The following GSDMD variants were observed in gnomAD, a reference collection of about 807,000 sequenced individuals.
GSDMD encodes the protein gasdermin D.
A neutral mutation model predicts 46.7 loss-of-function variants in GSDMD; 46 were observed. The ratio of observed to expected loss-of-function variants is 0.99; its 90% confidence interval spans 0.78 to 1.26. The LOEUF is 1.26. GSDMD is among the 50% of genes most tolerant of loss of function. The pLI is 0.00. For synonymous variants in GSDMD, 307 were observed against 283.1 expected, an observed-to-expected ratio of 1.08 and a Z score of -0.85; for missense variants, 649 against 638.8, an observed-to-expected ratio of 1.02 and a Z score of -0.17.
Position 143,562,097 on chromosome 8 carries a change from G to A in GSDMD, c.962G>A (p.Arg321Gln), listed in dbSNP as rs753713126. 93 of 1,596,652 alleles carry A rather than the reference G, an allele frequency of 5.8e-5. No homozygotes were observed. The Admixed American group carries it at 1.1e-3, about 18-fold the overall frequency. ...CTGGAGGGCCTGGAGGGGGTGCTGC[G>A]GGACCAGCTGGCCCTGCGAGCCTTG... The part of the protein sequence containing the change: ...LLLEGLEGVL[R>Q]DQLALRALEE... The change falls in exon 8 of 11, where the codon CGG becomes CAG. Residue 321 changes from arginine (R) to glutamine (Q), a missense_variant. Arg to Gln is a conservative substitution (Grantham distance 43). Coordinates refer to ENST00000262580, the MANE Select transcript of GSDMD (RefSeq NM_024736.7).
chr8:143,559,554 T>C lies in GSDMD; in HGVS notation c.217+2T>C, dbSNP rs747686537. 21 of 1,611,290 alleles carry C rather than the reference T, an allele frequency of 1.3e-5. No homozygotes were observed. The South Asian group carries it at 2.2e-4, about 17-fold the overall frequency. ...TGGAGCCGGATGCCGCGGAACCAGG[T>C]GCCTGATGTGGTGCTGAGGCAGAGC... On this transcript the variant is annotated splice_donor_variant, in intron 2 of 10. Coordinates refer to ENST00000262580, the MANE Select transcript of GSDMD (RefSeq NM_024736.7). LOFTEE classifies it high-confidence loss of function.
At position 143,559,886 on chromosome 8, in the gene GSDMD, G is replaced by A. The variant is rs11551201; in HGVS notation, c.327G>A (p.Ala109=). The change falls in exon 3 of 11, where the codon GCG becomes GCA. Residue 109 remains alanine (A), a synonymous_variant. Coordinates refer to ENST00000262580, the MANE Select transcript of GSDMD (RefSeq NM_024736.7). ...PGQAKIAGGA[A]VSDSSSTSMN... is the part of the protein sequence containing the mutation. ...AGGCAAAGATCGCAGGCGGGGCCGC[G>A]GTGTCTGACAGCTCCAGCACCTCAA... The A allele has an allele frequency of 2.7e-5, 43 of 1,612,632 alleles. No individual in the cohort carries two copies. Among genetic ancestry groups the A allele is most frequent in the Middle Eastern group, 1.6e-4 (1 of 6,080 alleles).
upstream of GSDMD, among the ~76,000 whole-genome samples, chr8:143,557,152 G>A (rs748291197): frequency 2.1e-4 from 32 of 152,260 alleles, no homozygotes; most frequent in African/African-American, 5.1e-4. Context: ...TGTGTCGCCC[G>A]TCTGTGTCGC....
At chr8:143,561,527 C>G in intron 6 of GSDMD, 104 bp downstream of exon 6, 1 of 1,234,534 alleles carries the variant, frequency 8.1e-7, no homozygotes, top group Non-Finnish European at 1.1e-6. Flanking sequence ...GGAGGCCGGG[C>G]AGCCCCCTGA....
intron 3 of GSDMD, 193 bp downstream of exon 3, chr8:143,560,162 C>A: frequency 1.4e-6 from 1 of 712,006 alleles, no homozygotes; most frequent in Non-Finnish European, 2.5e-6. Flanking sequence ...GGGTGAGCCA[C>A]TGTGCCAGGT....
upstream of GSDMD, among the ~76,000 whole-genome samples, chr8:143,554,253 G>A (rs1179745309): frequency 1.3e-5 from 2 of 152,254 alleles, no homozygotes; most frequent in South Asian, 2.1e-4. Flanking sequence ...GAACACAGAG[G>A]CCCACTTACA....
At chr8:143,560,438 C>A in intron 3 of GSDMD, 165 bp from the exon 4 acceptor site, 1 of 684,624 alleles carries the variant, frequency 1.5e-6, no homozygotes, top group South Asian at 1.9e-5. Flanking sequence ...CTCATGGGGT[C>A]CCGTCCCCGT....
rs778877530 is a variant in GSDMD, at chr8:143,562,512, G to A, written c.1203G>A (p.Pro401=). 26 of 1,606,660 alleles carry A rather than the reference G, an allele frequency of 1.6e-5. No homozygotes were observed. Among genetic ancestry groups the A allele is most frequent in the African/African-American group, 6.7e-5 (5 of 74,924 alleles). The change falls in exon 10 of 11, where the codon CCG becomes CCA. Residue 401 remains proline (P), a synonymous_variant. Coordinates refer to ENST00000262580, the MANE Select transcript of GSDMD (RefSeq NM_024736.7). ...TGGAGTCGCAGACCCTGTTGGGGCC[G>A]CTCGAGCTGGTGAGAGGGTTGGGTT... ...EALESQTLLG[P]LELVGSLLEQ...
chr8:143,557,361 A>AGGATGATGCCGCTGTGACGAC (rs1563902700), upstream of GSDMD, among the ~76,000 whole-genome samples: 638 of 89,920 alleles, frequency 7.1e-3, 17 homozygotes, highest in African/African-American at 0.023. Context: ...GCTTTGGCGA[A>AGGATGATGCCGCTGTGACGAC]GGATGCTGCC....
intron 3 of GSDMD, 163 bp from the exon 4 acceptor site, chr8:143,560,440 C>T (rs1319698254): frequency 1.0e-5 from 7 of 695,584 alleles, no homozygotes; most frequent in South Asian, 1.9e-5. Context: ...CATGGGGTCC[C>T]GTCCCCGTGG....
Position 143,560,772 on chromosome 8 carries a change from G to C in GSDMD, c.579+1G>C, listed in dbSNP as rs1205533342. On this transcript the variant is annotated splice_donor_variant, in intron 4 of 10. Transcript: ENST00000262580. LOFTEE classifies it high-confidence loss of function. ...CCTGCCCGGAGCCACGTGCTTGCAGGTGTGTAGCCAGCCCCGGGCCACGCC... is the reference window on the plus strand; with the variant it reads ...CCTGCCCGGAGCCACGTGCTTGCAGCTGTGTAGCCAGCCCCGGGCCACGCC... The C allele has an allele frequency of 2.6e-6, 4 of 1,537,166 alleles. No homozygotes were observed. Among genetic ancestry groups the C allele is most frequent in the Non-Finnish European group, 3.5e-6 (4 of 1,140,358 alleles).
Position 143,558,361 on chromosome 8 carries a change from G to C in GSDMD, c.-95G>C, listed in dbSNP as rs1433048331. 2.6e-6 allele frequency: 4 copies of C among 1,524,112 alleles called. No individual in the cohort carries two copies. In the South Asian group the frequency reaches 3.6e-5, roughly 14 times the overall value. The allele number at this position is 1,524,112 out of a possible 1,614,324, so 94.4% of individuals were successfully genotyped here. A position where few individuals can be genotyped will look rare whatever the true frequency, so the allele number is the denominator to read the frequency against. ...GCGTCAGGTTGCAGTTTCACTTTTA[G>C]CTCTGGGCACCTCCAGCTCCTGCTC... On this transcript the variant is annotated 5_prime_UTR_variant, in exon 1 of 11. Transcript: ENST00000262580.
At chr8:143,559,297 G>T (rs374204162) in intron 1 of GSDMD, 35 bp from the exon 2 acceptor site, 19 of 289,894 alleles carry the variant, frequency 6.6e-5, no homozygotes, top group Non-Finnish European at 1.1e-4. Flanking sequence ...CGCCCGCCCC[G>T]AGAGCACAAT....
rs1267963319 is a variant in GSDMD, at chr8:143,559,549, C to T, written c.214C>T (p.Pro72Ser). The part of the protein sequence containing the change: ...KDILEPDAAE[P>S]DVQRGRSFHF... Reference sequence around the variant, plus strand: ...CATCCTGGAGCCGGATGCCGCGGAACCAGGTGCCTGATGTGGTGCTGAGGC... The same window carrying T: ...CATCCTGGAGCCGGATGCCGCGGAATCAGGTGCCTGATGTGGTGCTGAGGC... Residue 72 changes from proline (P) to serine (S), a missense_variant, in exon 2 of 11, where the codon CCA becomes TCA. Pro to Ser is a moderately conservative substitution (Grantham distance 74, BLOSUM62 -1). Transcript: ENST00000262580. 3.1e-6 allele frequency: 5 copies of T among 1,611,854 alleles called. No homozygotes were observed. In the African/African-American group the frequency reaches 5.3e-5, roughly 17 times the overall value.
At chr8:143,554,408 G>A (rs559965860), upstream of GSDMD, among the ~76,000 whole-genome samples, 2 of 143,992 alleles carry the variant, frequency 1.4e-5, no homozygotes, top group East Asian at 2.2e-4. Context: ...ACGCGCACAC[G>A]TACGTGTATG....
At chr8:143,557,704 C>T (rs189199775), upstream of GSDMD, among the ~76,000 whole-genome samples, 2 of 152,348 alleles carry the variant, frequency 1.3e-5, no homozygotes, top group Non-Finnish European at 2.9e-5. Flanking sequence ...ACGTGCCCCC[C>T]GCGCTGGTTA....
upstream of GSDMD, among the ~76,000 whole-genome samples, chr8:143,556,311 C>T (rs1261477391): frequency 1.3e-5 from 2 of 152,156 alleles, no homozygotes; most frequent in Non-Finnish European, 2.9e-5. Flanking sequence ...ACCTGGGAGG[C>T]AGAGGTTGCA....
In GSDMD at chr8:143,560,761, C is replaced by T. The variant is rs540292430; in HGVS notation, c.569C>T (p.Thr190Met). The T allele has an allele frequency of 3.9e-5, 61 of 1,546,858 alleles. No individual in the cohort carries two copies. The highest frequency in any genetic ancestry group is 1.8e-4 in the Middle Eastern group (1 of 5,546). ...GGCCGGTTTTCCCTGCCCGGAGCCA[C>T]GTGCTTGCAGGTGTGTAGCCAGCCC... ...GSGRFSLPGA[T>M]CLQGEGQGHL... Residue 190 changes from threonine (T) to methionine (M), a missense_variant, in exon 4 of 11, where the codon ACG becomes ATG. Coordinates refer to ENST00000262580, the MANE Select transcript of GSDMD (RefSeq NM_024736.7).
At chr8:143,557,318 A>AC (rs1291898468), upstream of GSDMD, among the ~76,000 whole-genome samples, 215 of 38,898 alleles carry the variant, frequency 5.5e-3, 1 homozygote, top group African/African-American at 0.019. Flanking sequence ...CGCTATGGCG[A>AC]AGGATGCTGC....
Sources: allele counts gnomAD v4.1 joint callset (sites outside exome capture counted in the v4.1 genomes callset), GRCh38; gene constraint gnomAD v4.1.1; transcripts MANE v1.5; gene names NCBI Gene and HGNC (gene_info 2026-07-23, HGNC 2026-07-21).